Variants in INTS13 observed in about 807,000 individuals in gnomAD.
The protein encoded by INTS13 is integrator complex subunit 13.
INTS13 carries 35 observed loss-of-function variants against 90.2 expected under a neutral mutation model. The ratio of observed to expected loss-of-function variants is 0.39; its 90% confidence interval spans 0.30 to 0.51. INTS13 has a LOEUF of 0.51. INTS13 is among the 20% of genes least tolerant of loss of function. The pLI is 0.80. For missense variants in INTS13, 601 were observed against 851.2 expected (o/e 0.71, Z 3.66); for synonymous variants, 309 against 277.1 (o/e 1.11, Z -1.14).
rs779400087 is a variant in INTS13, at chr12:26,905,584, C to T, written c.2082-48G>A. On this transcript the variant is annotated intron_variant, in intron 16 of 16. Transcript: ENST00000261191. Reference sequence around the variant, plus strand: ...AGTTGATAAAATAAATATTCATTAACATTTTGTCTCCTTATCTACCTTTCA... The same window carrying T: ...AGTTGATAAAATAAATATTCATTAATATTTTGTCTCCTTATCTACCTTTCA... 3.3e-6 allele frequency: 5 copies of T among 1,519,852 alleles called. No individual in the cohort carries two copies. In the Admixed American group the frequency reaches 8.7e-5, roughly 26 times the overall value. The allele number at this position is 1,519,852 out of a possible 1,614,324, so 94.1% of individuals were successfully genotyped here.
At chr12:26,923,297 C>T (rs1394644790) in intron 7 of INTS13, among the ~76,000 whole-genome samples, 1 of 152,106 alleles carries the variant, frequency 6.6e-6, no homozygotes, top group Non-Finnish European at 1.5e-5. Flanking sequence ...TCTTATAACA[C>T]ATGACATTAT....
intron 11 of INTS13, among the ~76,000 whole-genome samples, chr12:26,915,625 T>C (rs2137447690): frequency 6.6e-6 from 1 of 152,278 alleles, no homozygotes; most frequent in South Asian, 2.1e-4. Flanking sequence ...TTTATGTTCC[T>C]CCCAATAATA....
Position 26,905,466 on chromosome 12 carries a change from A to T in INTS13, c.*31T>A, listed in dbSNP as rs751500056. 3 of 1,601,322 alleles carry T rather than the reference A, an allele frequency of 1.9e-6. No individual in the cohort carries two copies. The highest frequency in any genetic ancestry group is 3.4e-5 in the Admixed American group (2 of 58,714). ...GAATTCCGCACAAAATATTTTTGCA[A>T]TATGCTAAATTTAGTTCTTCAAGTC... On this transcript the variant is annotated 3_prime_UTR_variant, in exon 17 of 17. Transcript: ENST00000261191.
chr12:26,931,399 G>T (rs973434822), intron 3 of INTS13, among the ~76,000 whole-genome samples: 6 of 151,964 alleles, frequency 3.9e-5, no homozygotes, highest in African/African-American at 1.2e-4. Context: ...AGCCAAGATT[G>T]CGCCACTGCA....
chr12:26,938,258 A>G (rs760325481), upstream of INTS13: 12 of 152,070 alleles, frequency 7.9e-5, no homozygotes, highest in Admixed American at 2.6e-4. Flanking sequence ...TAAGCGTACG[A>G]CCCACCCACC....
At chr12:26,925,707 G>A (rs925850958) in intron 6 of INTS13, 54 bp downstream of exon 6, 5 of 1,354,390 alleles carry the variant, frequency 3.7e-6, no homozygotes, top group Non-Finnish European at 5.2e-6. Context: ...ACCCTTCTCA[G>A]TATTTATTAT....
Position 26,932,950 on chromosome 12 carries a change from G to A in INTS13, c.300+1606C>T, listed in dbSNP as rs184656431. 2.0e-5 allele frequency among the ~76,000 whole-genome samples: 3 copies of A among 152,202 alleles called. No individual in the cohort carries two copies. In the East Asian group the frequency reaches 5.8e-4, roughly 29 times the overall value. ...AAGACTGTCTAGCTAACTATCAGCA[G>A]GCATTTAAGAAAAGCCTCAACATAA... On this transcript the variant is annotated intron_variant, in intron 3 of 16. Coordinates refer to ENST00000261191, the MANE Select transcript of INTS13 (RefSeq NM_018164.3).
At chr12:26,929,011 T>G (rs1938043233) in intron 3 of INTS13, 106 bp from the exon 4 acceptor site, 3 of 988,650 alleles carry the variant, frequency 3.0e-6, no homozygotes, top group Admixed American at 5.6e-5. Flanking sequence ...TATATGGACA[T>G]GAACATTCTT....
chr12:26,936,588 G>T lies in INTS13; in HGVS notation c.216C>A (p.Phe72Leu). 1.2e-6 allele frequency: 2 copies of T among 1,605,756 alleles called. No individual in the cohort carries two copies. The highest frequency in any genetic ancestry group is 8.5e-7 in the Non-Finnish European group (1 of 1,172,848). The change falls in exon 2 of 17, where the codon TTC (phenylalanine) becomes TTA (leucine). Residue 72 changes from phenylalanine to leucine, a missense_variant. Transcript: ENST00000261191. ...YCRIMYDIFP[F>L]KKLVNFIVSD... ...TGTACTTCACACTCACCAGCTTTTT[G>T]AAAGGAAATATATCATACATTATTC...
At position 26,905,511 on chromosome 12, in the gene INTS13, CT is replaced by C; in HGVS notation, c.2106del (p.Ala703ProfsTer7). ...CAAGTCACTCTTCACTGCCGGCTGG[CT>C]TTTCCATTTTCTGTTGTCTCCATCC... is the stretch of plus-strand genomic sequence containing the variant. Reference protein sequence around the residue: ...ENGMETTENGKASRQ With the variant: ...ENGMETTENGXASRQ On this transcript the variant is annotated frameshift_variant, in exon 17 of 17. Coordinates refer to ENST00000261191, the MANE Select transcript of INTS13 (RefSeq NM_018164.3). LOFTEE classifies it high-confidence loss of function. The C allele has an allele frequency of 6.2e-7, 1 of 1,611,562 alleles. No individual in the cohort carries two copies. The highest frequency in any genetic ancestry group is 1.1e-5 in the South Asian group (1 of 90,396).
At chr12:26,911,951 T>C (rs1167762053) in intron 14 of INTS13, among the ~76,000 whole-genome samples, 1 of 152,226 alleles carries the variant, frequency 6.6e-6, no homozygotes, top group Non-Finnish European at 1.5e-5. Flanking sequence ...AAAAGTATTC[T>C]ATTATTAATG....
In INTS13 at chr12:26,913,489, A is replaced by G. The variant is rs1483265747; in HGVS notation, c.1773T>C (p.Tyr591=). ...EDKSEKAVKD[Y]EQEKSWQDSE... The stretch of plus-strand genomic sequence containing the variant: ...AGTCTTGCCAAGACTTTTCCTGTTC[A>G]TAATCTTTCACTGCTTTCTCTGACT... Residue 591 remains tyrosine (Y), a synonymous_variant, in exon 14 of 17, where the codon TAT becomes TAC. Transcript: ENST00000261191. The G allele has an allele frequency of 1.9e-6, 3 of 1,614,088 alleles. No homozygotes were observed. The highest frequency in any genetic ancestry group is 2.5e-6 in the Non-Finnish European group (3 of 1,179,994).
At chr12:26,912,414 G>C (rs1056414349) in intron 14 of INTS13, among the ~76,000 whole-genome samples, 30 of 152,144 alleles carry the variant, frequency 2.0e-4, no homozygotes, top group African/African-American at 7.2e-4. Flanking sequence ...TCCAGCCTGG[G>C]TGATAGAGCG....
At chr12:26,913,348 T>C (rs1182025704) in intron 14 of INTS13, 109 bp downstream of exon 14, 6 of 714,782 alleles carry the variant, frequency 8.4e-6, no homozygotes, top group Non-Finnish European at 1.4e-5. Flanking sequence ...TGAATAAACA[T>C]GTATTAAATG....
intron 3 of INTS13, among the ~76,000 whole-genome samples, chr12:26,932,964 G>C (rs1280952421): frequency 1.3e-5 from 2 of 152,070 alleles, no homozygotes; most frequent in East Asian, 3.9e-4. Flanking sequence ...TTTAAGAAAA[G>C]CCTCAACATA....
Position 26,917,426 on chromosome 12 carries a change from G to A in INTS13, c.995C>T (p.Thr332Ile). 6.5e-7 allele frequency: 1 copy of A among 1,539,438 alleles called. No homozygotes were observed. Among genetic ancestry groups the A allele is most frequent in the Non-Finnish European group, 8.9e-7 (1 of 1,124,518 alleles). The part of the protein sequence containing the change: ...RTNNIELHYC[T>I]GAYRISPVDV... ...TACAGGTGAAATCCGATAAGCTCCA[G>A]TACAATAGTGTAATTCTGAAATAGA... Residue 332 changes from threonine (T) to isoleucine (I), a missense_variant, in exon 10 of 17, where the codon ACT becomes ATT. By Grantham distance (89) the Thr-to-Ile change is moderately conservative. Transcript: ENST00000261191.
At chr12:26,934,359 C>T (rs1938350721) in intron 3 of INTS13, among the ~76,000 whole-genome samples, 197 bp downstream of exon 3, 1 of 152,142 alleles carries the variant, frequency 6.6e-6, no homozygotes, top group South Asian at 2.1e-4. Context: ...AATATGACAA[C>T]TACTAAAAAA....
intron 15 of INTS13, among the ~76,000 whole-genome samples, chr12:26,908,907 A>C (rs1951690181): frequency 1.3e-5 from 2 of 152,250 alleles, no homozygotes; most frequent in Non-Finnish European, 2.9e-5. Context: ...TCAGGGATCC[A>C]TTTAATTTAA....
At chr12:26,910,874 C>T (rs964116573) in intron 15 of INTS13, among the ~76,000 whole-genome samples, 5 of 151,904 alleles carry the variant, frequency 3.3e-5, no homozygotes, top group African/African-American at 7.3e-5. Flanking sequence ...CTTGCTCTGT[C>T]GCCCAGGCTG....
Sources: gnomAD v4.1 joint callset for allele counts (sites outside exome capture counted in the v4.1 genomes callset) on GRCh38, gnomAD v4.1.1 for gene constraint, MANE v1.5 for transcripts, NCBI Gene and HGNC (gene_info 2026-07-23, HGNC 2026-07-21) for gene names.